Variants in LRRC52 observed in about 807,000 individuals in gnomAD.
The protein encoded by LRRC52 is leucine-rich repeat-containing protein 52.
A neutral mutation model predicts 14.7 loss-of-function variants in LRRC52; 15 were observed. The observed-to-expected ratio is 1.02, with a 90% confidence interval of 0.68 to 1.58. The LOEUF (loss-of-function observed/expected upper bound fraction) is 1.58. Among genes scored for constraint, LRRC52 ranks in the 40% most tolerant of loss-of-function variants. The probability of loss-of-function intolerance (pLI) is 0.00; values close to 1 mark genes in which losing one functional copy is unlikely to be tolerated. For synonymous variants in LRRC52, 180 were observed against 163.9 expected (o/e 1.10, Z -0.75); for missense variants, 400 against 387.7 (o/e 1.03, Z -0.27).
Position 165,554,200 on chromosome 1 carries a change from T to C in LRRC52, c.622+9282T>C, listed in dbSNP as rs142211819. On this transcript the variant is annotated intron_variant, in intron 1 of 1. Transcript: ENST00000294818. ...CACACAGTACATGTTCAATTAATGC[T>C]AGCTGTCGTTGTTGTTACAAATTCT... Among the ~76,000 whole-genome samples, 440 of 152,294 alleles carry C rather than the reference T, an allele frequency of 2.9e-3. 2 individuals carry two copies. Among genetic ancestry groups the C allele is most frequent in the African/African-American group, 0.01 (426 of 41,546 alleles).
At chr1:165,546,584 G>A (rs920482995) in intron 1 of LRRC52, among the ~76,000 whole-genome samples, 5 of 152,090 alleles carry the variant, frequency 3.3e-5, no homozygotes, top group African/African-American at 4.8e-5. Context: ...GTGGAAGGGT[G>A]TCATCTTCTT....
At chr1:165,548,451 A>T (rs760424695) in intron 1 of LRRC52, among the ~76,000 whole-genome samples, 3 of 152,240 alleles carry the variant, frequency 2.0e-5, no homozygotes, top group Non-Finnish European at 4.4e-5. Flanking sequence ...TCTATGTCAT[A>T]GTTTAGTTGT....
Position 165,544,258 on chromosome 1 carries a change from C to T in LRRC52, c.-39C>T, listed in dbSNP as rs370709642. 5.5e-5 allele frequency: 87 copies of T among 1,584,676 alleles called. No homozygotes were observed. Among genetic ancestry groups the T allele is most frequent in the African/African-American group, 8.1e-5 (6 of 74,224 alleles). ...AGCCTTCGGATCAGAGGACAGAGCC[C>T]GCAGGAAGGTGAAAGGAGGGTGGTT... On this transcript the variant is annotated 5_prime_UTR_variant, in exon 1 of 2. Transcript: ENST00000294818.
intron 1 of LRRC52, among the ~76,000 whole-genome samples, chr1:165,562,961 A>G (rs923312217): frequency 6.6e-6 from 1 of 152,008 alleles, no homozygotes; most frequent in African/African-American, 2.4e-5. Context: ...CCTGAAGCCT[A>G]TAGTTGAGTG....
intron 1 of LRRC52, among the ~76,000 whole-genome samples, chr1:165,555,759 G>C (rs941094510): frequency 1.1e-4 from 16 of 152,196 alleles, no homozygotes; most frequent in African/African-American, 3.9e-4. Flanking sequence ...ATGTGAAAGA[G>C]GAAGCAAACA....
rs1424749449 is a variant in LRRC52 at position 165,544,096 on chromosome 1, CCAAGCTGGGCGGCAGGGCATTGAGCCT to C, written c.-199_-173del. 7 of 654,768 alleles carry C rather than the reference CCAAGCTGGGCGGCAGGGCATTGAGCCT, an allele frequency of 1.1e-5. No homozygotes were observed. The East Asian group carries it at 1.9e-4, about 18-fold the overall frequency. 40.6% of individuals were successfully genotyped at this position (654,768 alleles called of 1,614,324 possible). A position where few individuals can be genotyped will look rare whatever the true frequency, so the allele number is the denominator to read the frequency against. On this transcript the variant is annotated 5_prime_UTR_variant, in exon 1 of 2. Transcript: ENST00000294818. ...AGTCTGGGAGCGAGCGACAGAGCCA[CCAAGCTGGGCGGCAGGGCATTGAGCCT>C]CGCGTTTCAATTTCTGTTCAGTTCT...
Position 165,544,237 on chromosome 1 carries a change from T to G in LRRC52, c.-60T>G. On this transcript the variant is annotated 5_prime_UTR_variant, in exon 1 of 2. Coordinates refer to ENST00000294818, the MANE Select transcript of LRRC52 (RefSeq NM_001005214.4). ...CCGCCCCACCCCCCCACCGGCAGCC[T>G]TCGGATCAGAGGACAGAGCCCGCAG... 2.2e-5 allele frequency: 19 copies of G among 861,582 alleles called. No homozygotes were observed. The highest frequency in any genetic ancestry group is 2.7e-5 in the Non-Finnish European group (17 of 619,794). The allele number at this position is 861,582 out of a possible 1,614,324, so 53.4% of individuals were successfully genotyped here.
At chr1:165,554,989 T>C (rs1661204493) in intron 1 of LRRC52, among the ~76,000 whole-genome samples, 1 of 152,240 alleles carries the variant, frequency 6.6e-6, no homozygotes, top group Admixed American at 6.5e-5. Flanking sequence ...GACTGGGATC[T>C]GAGTACATGC....
chr1:165,555,660 G>C (rs1056404445), intron 1 of LRRC52, among the ~76,000 whole-genome samples: 10 of 152,214 alleles, frequency 6.6e-5, no homozygotes, highest in Non-Finnish European at 4.4e-5. Context: ...CTGGGACCAG[G>C]GCAATGGTCC....
At position 165,544,180 on chromosome 1, in the gene LRRC52, A is replaced by C; in HGVS notation, c.-117A>C. On this transcript the variant is annotated 5_prime_UTR_variant, in exon 1 of 2. An upstream open reading frame in the 5' UTR loses its in-frame stop. Coordinates refer to ENST00000294818, the MANE Select transcript of LRRC52 (RefSeq NM_001005214.4). Reference sequence around the variant, plus strand: ...ATGGAAAATTGCTTTGCACAAAGCTAAAGTGTTACAGTTCTTTCCAGAGCC... The same window carrying C: ...ATGGAAAATTGCTTTGCACAAAGCTCAAGTGTTACAGTTCTTTCCAGAGCC... 2.6e-6 allele frequency: 3 copies of C among 1,136,300 alleles called. 1 individual carries two copies. The highest frequency in any genetic ancestry group is 3.7e-6 in the Non-Finnish European group (3 of 804,454). The allele number at this position is 1,136,300 out of a possible 1,614,324, so 70.4% of individuals were successfully genotyped here. A position where few individuals can be genotyped will look rare whatever the true frequency, so the allele number is the denominator to read the frequency against.
At chr1:165,559,547 G>A (rs78689162) in intron 1 of LRRC52, among the ~76,000 whole-genome samples, 1 of 151,964 alleles carries the variant, frequency 6.6e-6, no homozygotes, top group Non-Finnish European at 1.5e-5. Flanking sequence ...AGTCAATAAG[G>A]GTATAGAAAA....
chr1:165,559,261 T>C (rs761211748), intron 1 of LRRC52, among the ~76,000 whole-genome samples: 4 of 152,068 alleles, frequency 2.6e-5, no homozygotes, highest in African/African-American at 9.7e-5. Context: ...TGGTGGCGTG[T>C]GCCTGTAATC....
rs1557968708 is a variant in LRRC52 at position 165,563,702 on chromosome 1, C to CA, written c.821dup (p.Asn275GlufsTer8). On this transcript the variant is annotated frameshift_variant, in exon 2 of 2. Transcript: ENST00000294818. LOFTEE classifies it low-confidence loss of function (END_TRUNC). ...CACAGGTGTGTGTGCTGTGCTCTAC[C>CA]AGAACACCCGCCACAAGTCGAGTGA... The CA allele has an allele frequency of 6.2e-7, 1 of 1,614,130 alleles. No homozygotes were observed. Among genetic ancestry groups the CA allele is most frequent in the South Asian group, 1.1e-5 (1 of 91,086 alleles).
intron 1 of LRRC52, among the ~76,000 whole-genome samples, chr1:165,551,781 C>T (rs1011435986): frequency 1.7e-4 from 26 of 152,042 alleles, no homozygotes; most frequent in African/African-American, 3.9e-4. Context: ...AGTTTCATTA[C>T]GAGGTTATAT....
chr1:165,556,388 G>GC (rs1416478032), intron 1 of LRRC52, among the ~76,000 whole-genome samples: 1 of 25,388 alleles, frequency 3.9e-5, no homozygotes, highest in Non-Finnish European at 1.9e-4. Flanking sequence ...CTATATACAA[G>GC]GGGGGGAAAT....
chr1:165,556,206 T>C (rs1661230029), intron 1 of LRRC52, among the ~76,000 whole-genome samples: 1 of 152,248 alleles, frequency 6.6e-6, no homozygotes, highest in Non-Finnish European at 1.5e-5. Context: ...AAGAAAGCTT[T>C]TTGCCTCTGA....
intron 1 of LRRC52, among the ~76,000 whole-genome samples, chr1:165,562,525 A>T (rs1661367101): frequency 6.6e-6 from 1 of 152,216 alleles, no homozygotes; most frequent in African/African-American, 2.4e-5. Flanking sequence ...TACCTATGTC[A>T]GTCAGTTCTC....
intron 1 of LRRC52, among the ~76,000 whole-genome samples, chr1:165,554,721 C>T (rs958939902): frequency 7.2e-5 from 11 of 152,186 alleles, no homozygotes; most frequent in African/African-American, 2.4e-4. Context: ...TGAGCCACTG[C>T]ACCCGGCCAA....
At chr1:165,558,081 C>T (rs1268904203) in intron 1 of LRRC52, among the ~76,000 whole-genome samples, 2 of 152,204 alleles carry the variant, frequency 1.3e-5, no homozygotes, top group Non-Finnish European at 2.9e-5. Flanking sequence ...GAGAGGCCTC[C>T]TTGGCTCCTA....
Sources: gnomAD v4.1 joint callset for allele counts (sites outside exome capture counted in the v4.1 genomes callset) on GRCh38, gnomAD v4.1.1 for gene constraint, MANE v1.5 for transcripts, NCBI Gene and HGNC (gene_info 2026-07-23, HGNC 2026-07-21) for gene names.